The following GSTCD variants were observed in gnomAD, a reference collection of about 807,000 sequenced individuals.
GSTCD encodes the protein glutathione S-transferase C-terminal domain containing.
In GSTCD, 44 loss-of-function variants were observed where a neutral mutation model predicts 68.3. The ratio of observed to expected loss-of-function variants is 0.64; its 90% CI spans 0.51 to 0.83. GSTCD has a LOEUF of 0.83. Among genes scored for constraint, GSTCD ranks in the 40% least tolerant of loss-of-function variants. The probability of loss-of-function intolerance (pLI) is 0.00; values close to 1 mark genes in which losing one functional copy is unlikely to be tolerated. For missense variants in GSTCD, 739 were observed against 735.9 expected (o/e 1.00, Z -0.05); for synonymous variants, 273 against 255.2 (o/e 1.07, Z -0.67).
chr4:105,717,323 G>C (rs888870566), intron 1 of GSTCD, among the ~76,000 whole-genome samples: 3 of 152,150 alleles, frequency 2.0e-5, no homozygotes, highest in African/African-American at 7.2e-5. Flanking sequence ...CAAAATACTT[G>C]ATTGGGAGGG....
intron 5 of GSTCD, among the ~76,000 whole-genome samples, chr4:105,799,828 A>AC (rs1243866688): frequency 6.6e-6 from 1 of 152,054 alleles, no homozygotes; most frequent in African/African-American, 2.4e-5. Context: ...AAAAAAAAAA[A>AC]AATCTTCATT....
chr4:105,844,758 G>A (rs10050159), intron 11 of GSTCD, among the ~76,000 whole-genome samples: 16,641 of 152,116 alleles, frequency 0.11, 1,409 homozygotes, highest in African/African-American at 0.22. Context: ...AGCTACTTTT[G>A]AAGTTTGTGT....
At chr4:105,733,701 T>C (rs1733340803) in intron 5 of GSTCD, among the ~76,000 whole-genome samples, 1 of 152,222 alleles carries the variant, frequency 6.6e-6, no homozygotes, top group Admixed American at 6.5e-5. Context: ...AGGTTAATAT[T>C]GTTATGTGTG....
rs191490677 is a variant in GSTCD at position 105,836,316 on chromosome 4, C to T, written c.1665-1543C>T. ...GACTCCAGAGGGAAGGAAGTGCATG[C>T]GATTGGTCCATGGGTGGCCATGGGT... is the stretch of plus-strand genomic sequence containing the variant. On this transcript the variant is annotated intron_variant, in intron 9 of 11. Transcript: ENST00000515279. Among the ~76,000 whole-genome samples, 8 of 152,254 alleles carry T rather than the reference C, an allele frequency of 5.3e-5. 1 individual carries two copies. Among genetic ancestry groups the T allele is most frequent in the South Asian group, 2.1e-4 (1 of 4,816 alleles).
At chr4:105,814,366 A>G (rs1322837292) in intron 5 of GSTCD, among the ~76,000 whole-genome samples, 2 of 152,128 alleles carry the variant, frequency 1.3e-5, no homozygotes, top group African/African-American at 4.8e-5. Context: ...TAATCCCAGC[A>G]CTTTGGGAGG....
intron 5 of GSTCD, among the ~76,000 whole-genome samples, chr4:105,737,724 C>G (rs1420715043): frequency 6.6e-6 from 1 of 152,172 alleles, no homozygotes; most frequent in Non-Finnish European, 1.5e-5. Context: ...AAGAGACTGT[C>G]CTTTCCCCAG....
chr4:105,820,953 C>T (rs1189374686), intron 5 of GSTCD: 6 of 151,744 alleles, frequency 4.0e-5, no homozygotes, highest in Non-Finnish European at 7.4e-5. Flanking sequence ...TTATTCTTAA[C>T]AAAAACATTC....
At chr4:105,712,973 A>C (rs1732582353) in intron 1 of GSTCD, among the ~76,000 whole-genome samples, 1 of 152,184 alleles carries the variant, frequency 6.6e-6, no homozygotes, top group Admixed American at 6.5e-5. Context: ...ATGGCACTGG[A>C]GATCACCCAG....
chr4:105,729,526 T>C, intron 5 of GSTCD, 27 bp downstream of exon 5: 1 of 1,468,436 alleles, frequency 6.8e-7, no homozygotes, highest in Non-Finnish European at 9.5e-7. Flanking sequence ...CTTTAAGTTT[T>C]ATTCATACTT....
intron 5 of GSTCD, among the ~76,000 whole-genome samples, chr4:105,731,215 C>T (rs1265826886): frequency 6.6e-6 from 1 of 152,116 alleles, no homozygotes; most frequent in Non-Finnish European, 1.5e-5. Flanking sequence ...GCAATGCGGG[C>T]TCTTTTTTGG....
In GSTCD at chr4:105,788,634, G is replaced by C. The variant is rs527812679; in HGVS notation, c.1241-34320G>C. ...TAAAAAAAAGTAGTAGTTTCCTTAG[G>C]GTTTAAGATACACATCTTTATCACA... On this transcript the variant is annotated intron_variant, in intron 5 of 11. Transcript: ENST00000515279. 8.6e-5 allele frequency among the ~76,000 whole-genome samples: 13 copies of C among 151,770 alleles called. No individual in the cohort carries two copies. In the South Asian group the frequency reaches 2.7e-3, roughly 32 times the overall value.
intron 5 of GSTCD, among the ~76,000 whole-genome samples, chr4:105,798,732 G>GTGTGCAATCACCCAGACTTTGT (rs149562573): frequency 0.87 from 132,957 of 152,096 alleles, 58,408 homozygotes; most frequent in East Asian, 0.96. Flanking sequence ...CTCTGAGCAG[G>GTGTGCAATCACCCAGACTTTGT]TATTCCATTT....
intron 5 of GSTCD, among the ~76,000 whole-genome samples, chr4:105,794,915 C>T (rs1050607092): frequency 4.6e-5 from 7 of 151,672 alleles, no homozygotes; most frequent in Admixed American, 1.3e-4. Context: ...CTCACTCTGT[C>T]GCCCAGGCTG....
At chr4:105,844,415 A>G (rs929191958) in intron 11 of GSTCD, among the ~76,000 whole-genome samples, 2 of 152,196 alleles carry the variant, frequency 1.3e-5, no homozygotes, top group Admixed American at 6.5e-5. Context: ...AATGTACAAA[A>G]TAAACATTTT....
At chr4:105,720,375 A>G (rs1236245199) in intron 3 of GSTCD, among the ~76,000 whole-genome samples, 1 of 152,156 alleles carries the variant, frequency 6.6e-6, no homozygotes, top group Non-Finnish European at 1.5e-5. Flanking sequence ...CCTTTTCCCT[A>G]CTAAGGAATC....
intron 2 of GSTCD, among the ~76,000 whole-genome samples, chr4:105,718,667 T>G (rs1425244552): frequency 2.0e-5 from 3 of 152,244 alleles, no homozygotes; most frequent in South Asian, 2.1e-4. Flanking sequence ...TTATAAAGTT[T>G]GGAGACATTT....
intron 5 of GSTCD, chr4:105,815,286 C>A (rs1224004276): frequency 6.6e-6 from 1 of 152,122 alleles, no homozygotes; most frequent in Non-Finnish European, 1.5e-5. Flanking sequence ...CCAAGAGCAA[C>A]CATCTCAAAA....
intron 5 of GSTCD, among the ~76,000 whole-genome samples, chr4:105,779,932 A>C (rs1735213512): frequency 6.6e-6 from 1 of 152,228 alleles, no homozygotes; most frequent in Admixed American, 6.5e-5. Context: ...ATATAGAAAG[A>C]TATATGATAC....
At chr4:105,763,395 A>G (rs1734486971) in intron 5 of GSTCD, among the ~76,000 whole-genome samples, 1 of 152,174 alleles carries the variant, frequency 6.6e-6, no homozygotes, top group African/African-American at 2.4e-5. Context: ...ATTGACTCCT[A>G]GAGCACACAT....
Sources: gnomAD v4.1 joint callset for allele counts (sites outside exome capture counted in the v4.1 genomes callset) on GRCh38, gnomAD v4.1.1 for gene constraint, MANE v1.5 for transcripts, NCBI Gene and HGNC (gene_info 2026-07-23, HGNC 2026-07-21) for gene names.